RALGAPB: variants seen among roughly 807,000 people sequenced by gnomAD.
RALGAPB encodes Ral GTPase activating protein non-catalytic subunit beta, also known as ral GTPase-activating protein subunit beta.
A neutral mutation model predicts 161.1 loss-of-function variants in RALGAPB; 25 were observed. The observed-to-expected ratio is 0.16, with a 90% CI of 0.11 to 0.22. The LOEUF is 0.22. Among genes scored for constraint, RALGAPB ranks in the 10% least tolerant of loss-of-function variants. The pLI, the probability that RALGAPB is intolerant of heterozygous loss-of-function variation, is 1.00. For synonymous variants in RALGAPB, 629 were observed against 626.1 expected (o/e 1.00, Z -0.07); for missense variants, 1,391 against 1,815.2 (o/e 0.77, Z 4.25).
At chr20:38,550,787 C>T (rs542198683) in intron 20 of RALGAPB, among the ~76,000 whole-genome samples, 1 of 152,306 alleles carries the variant, frequency 6.6e-6, no homozygotes, top group Admixed American at 6.5e-5. Flanking sequence ...CATTGGATAA[C>T]CACTGAATGT....
rs1286733095 is a variant in RALGAPB, at chr20:38,514,634, T to A, written c.873-1558T>A. Among the ~76,000 whole-genome samples, 4 of 152,362 alleles carry A rather than the reference T, an allele frequency of 2.6e-5. No individual in the cohort carries two copies. The East Asian group carries it at 7.7e-4, about 29-fold the overall frequency. ...GTTGAATATGATGGGGAGATAGGCA[T>A]CAACATTTTGTCTTGTGTGTTAGTG... On this transcript the variant is annotated intron_variant, in intron 6 of 29. Transcript: ENST00000262879.
intron 23 of RALGAPB, among the ~76,000 whole-genome samples, chr20:38,559,685 C>G (rs144164590): frequency 1.3e-5 from 2 of 152,250 alleles, no homozygotes; most frequent in African/African-American, 2.4e-5. Flanking sequence ...AGAAGTGAGA[C>G]TCCATCTCAA....
In RALGAPB at chr20:38,509,200, C is replaced by T; in HGVS notation, c.864C>T (p.His288=). 6.2e-7 allele frequency: 1 copy of T among 1,613,196 alleles called. No individual in the cohort carries two copies. The highest frequency in any genetic ancestry group is 8.5e-7 in the Non-Finnish European group (1 of 1,179,322). The change falls in exon 6 of 30, where the codon CAC becomes CAT. Residue 288 remains histidine, a synonymous_variant. Coordinates refer to ENST00000262879, the MANE Select transcript of RALGAPB (RefSeq NM_020336.4). ...CVAQTWFRFL[H]MLSNPVDLSN... is the part of the protein sequence containing the mutation. ...CACAGACATGGTTTCGCTTTTTACA[C>T]ATGTTAAGGTATTGTTATTTTATTA...
At chr20:38,572,797 A>G (rs1188586567) in intron 28 of RALGAPB, among the ~76,000 whole-genome samples, 1 of 152,190 alleles carries the variant, frequency 6.6e-6, no homozygotes, top group Non-Finnish European at 1.5e-5. Context: ...GCTAAACAAC[A>G]TCGCAATAAT....
At position 38,501,534 on chromosome 20, in the gene RALGAPB, C is replaced by G. The variant is rs538905213; in HGVS notation, c.740+1901C>G. Among the ~76,000 whole-genome samples, 5 of 152,260 alleles carry G rather than the reference C, an allele frequency of 3.3e-5. No homozygotes were observed. The South Asian group carries it at 8.3e-4, about 25-fold the overall frequency. ...TCTTGTGCCTTAGCCTCCCGAATAA[C>G]TGGGATTACAGAGGTGTGCCAACAT... On this transcript the variant is annotated intron_variant, in intron 5 of 29. Transcript: ENST00000262879.
intron 29 of RALGAPB, 88 bp downstream of exon 29, chr20:38,574,386 G>T: frequency 7.1e-7 from 1 of 1,401,624 alleles, no homozygotes; most frequent in Non-Finnish European, 9.6e-7. Flanking sequence ...TAAGGAAATG[G>T]TGATAATTAA....
intron 1 of RALGAPB, among the ~76,000 whole-genome samples, chr20:38,481,229 C>T (rs2084959530): frequency 6.6e-6 from 1 of 152,134 alleles, no homozygotes; most frequent in African/African-American, 2.4e-5. Flanking sequence ...TGGTGTCTTG[C>T]CTATAGTTTT....
chr20:38,529,571 G>T (rs998448309), intron 13 of RALGAPB, among the ~76,000 whole-genome samples: 1 of 151,490 alleles, frequency 6.6e-6, no homozygotes, highest in African/African-American at 2.4e-5. Flanking sequence ...GGTGGCTCAT[G>T]CCTGTAATCC....
intron 18 of RALGAPB, among the ~76,000 whole-genome samples, chr20:38,544,255 C>T (rs2087077489): frequency 6.6e-6 from 1 of 152,168 alleles, no homozygotes. Context: ...CTAATTCATA[C>T]ATTTGATCGT....
chr20:38,523,649 G>A (rs1234478594), intron 10 of RALGAPB, among the ~76,000 whole-genome samples: 1 of 152,160 alleles, frequency 6.6e-6, no homozygotes, highest in Non-Finnish European at 1.5e-5. Context: ...AAGCTTTTGG[G>A]TAATAGATCT....
intron 19 of RALGAPB, chr20:38,546,678 T>G (rs1165813869): frequency 2.1e-6 from 1 of 476,890 alleles, no homozygotes; most frequent in Admixed American, 3.4e-5. Flanking sequence ...AGGTGGTGTT[T>G]TAGTGGGTTC....
At chr20:38,514,001 A>G (rs2086052266) in intron 6 of RALGAPB, among the ~76,000 whole-genome samples, 1 of 152,044 alleles carries the variant, frequency 6.6e-6, no homozygotes, top group African/African-American at 2.4e-5. Context: ...TCTTTTTTAG[A>G]GGTAGTACTT....
chr20:38,516,392 A>T lies in RALGAPB; in HGVS notation c.1051+22A>T, dbSNP rs750851023. On this transcript the variant is annotated intron_variant, in intron 7 of 29. Transcript: ENST00000262879. ...TTAGGTGAATTTTGTGTATGTTGCT[A>T]GATGTATGAAGAGCTTCATTTAGAT... 7 of 1,595,828 alleles carry T rather than the reference A, an allele frequency of 4.4e-6. No homozygotes were observed. The East Asian group carries it at 1.3e-4, about 31-fold the overall frequency.
intron 24 of RALGAPB, among the ~76,000 whole-genome samples, chr20:38,564,912 CCTTCTT>C (rs767402415): frequency 5.5e-4 from 83 of 150,786 alleles, no homozygotes; most frequent in East Asian, 1.2e-3. Flanking sequence ...CCTCCTCCTC[CCTTCTT>C]CTTCTTCTTC....
At chr20:38,567,023 A>G in intron 25 of RALGAPB, 73 bp from the exon 26 acceptor site, 1 of 1,534,018 alleles carries the variant, frequency 6.5e-7, no homozygotes, top group Non-Finnish European at 8.8e-7. Context: ...ACTGGTGAGC[A>G]TAATTAGTTT....
At chr20:38,482,594 A>AC (rs1309672743) in intron 1 of RALGAPB, among the ~76,000 whole-genome samples, 2 of 151,688 alleles carry the variant, frequency 1.3e-5, no homozygotes, top group African/African-American at 2.4e-5. Context: ...AGCCCAGCTA[A>AC]TTTTTGTATT....
intron 2 of RALGAPB, among the ~76,000 whole-genome samples, chr20:38,489,918 G>A (rs1169502939): frequency 1.3e-5 from 2 of 152,126 alleles, no homozygotes; most frequent in African/African-American, 2.4e-5. Context: ...GAGATGGTAC[G>A]TGAGTAGATA....
intron 24 of RALGAPB, among the ~76,000 whole-genome samples, chr20:38,564,978 T>TCTGCCTGC (rs998721254): frequency 4.0e-5 from 6 of 150,790 alleles, no homozygotes; most frequent in South Asian, 4.3e-4. Context: ...TCTCTCTCTC[T>TCTGCCTGC]CTGCCTGCCT....
chr20:38,553,777 CAAAAA>C (rs35778032), intron 21 of RALGAPB, 85 bp from the exon 22 acceptor site: 186 of 278,494 alleles, frequency 6.7e-4, no homozygotes, highest in African/African-American at 1.2e-3. Flanking sequence ...AGCCCAGTCT[CAAAAA>C]AAAAAAAAAA....
Sources: allele counts gnomAD v4.1 joint callset (sites outside exome capture counted in the v4.1 genomes callset), GRCh38; gene constraint gnomAD v4.1.1; transcripts MANE v1.5; gene names NCBI Gene and HGNC (gene_info 2026-07-23, HGNC 2026-07-21).